Variants in FGF23 observed in about 807,000 individuals in gnomAD.
FGF23 encodes the protein phosphatonin.
Under a neutral mutation model 9.0 loss-of-function variants are expected in FGF23, and 8 were observed. The ratio of observed to expected loss-of-function variants is 0.89; its 90% CI spans 0.52 to 1.60. The LOEUF is 1.60. Ranked by LOEUF, FGF23 falls within the 40% of genes most tolerant of loss-of-function variation. FGF23 has a pLI of 0.00. For synonymous variants in FGF23, 118 were observed against 146.2 expected (o/e 0.81, Z 1.39); for missense variants, 311 against 344.3 (o/e 0.90, Z 0.77).
At chr12:4,377,571 C>G in intron 1 of FGF23, among the ~76,000 whole-genome samples, 1 of 149,252 alleles carries the variant, frequency 6.7e-6, no homozygotes, top group Non-Finnish European at 1.5e-5. Context: ...GCTGGGACTA[C>G]AGGCGCCTGC....
chr12:4,372,906 C>A (rs2120734385), intron 1 of FGF23, among the ~76,000 whole-genome samples: 1 of 152,310 alleles, frequency 6.6e-6, no homozygotes, highest in South Asian at 2.1e-4. Flanking sequence ...AGTCATTCAC[C>A]TCCTGCTTCA....
Position 4,370,706 on chromosome 12 carries a change from C to G in FGF23, c.393G>C (p.Gln131His). Reference protein sequence around the residue: ...ENGYDVYHSPQYHFLVSLGRA... With the variant: ...ENGYDVYHSPHYHFLVSLGRA... ...GGCCCAGACTGACCAGGAAGTGATA[C>G]TGAGGAGAGTGGTAGACGTCGTACC... is the stretch of plus-strand genomic sequence containing the variant. Residue 131 changes from glutamine (Q) to histidine (H), a missense_variant, in exon 3 of 3, where the codon CAG (glutamine) becomes CAC (histidine). Physicochemically the swap from Gln to His is conservative, Grantham distance 24. Coordinates refer to ENST00000237837, the MANE Select transcript of FGF23 (RefSeq NM_020638.3). 6.2e-7 allele frequency: 1 copy of G among 1,614,120 alleles called. No individual in the cohort carries two copies. Among genetic ancestry groups the G allele is most frequent in the Non-Finnish European group, 8.5e-7 (1 of 1,180,010 alleles).
chr12:4,370,774 C>G lies in FGF23; in HGVS notation c.325G>C (p.Asp109His). ...RGNIFGSHYF[D>H]PENCRFQHQT... ...TGTTGGAACCTGCAGTTCTCCGGGT[C>G]GAAATAGTGCTGGAAGGACAAGAGC... Residue 109 changes from aspartate (D) to histidine (H), a missense_variant, in exon 3 of 3, where the codon GAC (aspartate) becomes CAC (histidine). By Grantham distance (81) the Asp-to-His change is moderately conservative. Transcript: ENST00000237837. The G allele has an allele frequency of 1.2e-6, 2 of 1,613,906 alleles. No homozygotes were observed. Among genetic ancestry groups the G allele is most frequent in the East Asian group, 2.2e-5 (1 of 44,878 alleles).
intron 2 of FGF23, among the ~76,000 whole-genome samples, chr12:4,371,851 G>A (rs780454017): frequency 9.2e-5 from 14 of 152,078 alleles, no homozygotes; most frequent in Admixed American, 2.0e-4. Flanking sequence ...ACTTTACAAC[G>A]TGAATTGACA....
In FGF23 at chr12:4,379,503, T is replaced by C. The variant is rs1865155014; in HGVS notation, c.80A>G (p.Asn27Ser). ...CSMSVLRAYP[N>S]ASPLLGSSWG... ...GCTGGAGCCGAGCAGTGGGGAGGCA[T>C]TGGGATAGGCTCTGAGGACGCTCAT... Residue 27 changes from asparagine (N) to serine (S), a missense_variant, in exon 1 of 3, where the codon AAT becomes AGT. Physicochemically the swap from Asn to Ser is conservative, Grantham distance 46 (BLOSUM62 1). Around this residue, in one of 3 missense-constraint regions of FGF23, gnomAD observed 102 missense variants for 108.2 expected, o/e 0.94. Coordinates refer to ENST00000237837, the MANE Select transcript of FGF23 (RefSeq NM_020638.3). 3 of 1,612,872 alleles carry C rather than the reference T, an allele frequency of 1.9e-6. No individual in the cohort carries two copies. Among genetic ancestry groups the C allele is most frequent in the African/African-American group, 1.3e-5 (1 of 74,900 alleles).
chr12:4,374,631 C>T (rs1865097362), intron 1 of FGF23, among the ~76,000 whole-genome samples: 1 of 138,610 alleles, frequency 7.2e-6, no homozygotes, highest in African/African-American at 2.7e-5. Flanking sequence ...GCCTGGGCGA[C>T]AGAGCGAGAC....
At chr12:4,375,271 G>T (rs955271029) in intron 1 of FGF23, among the ~76,000 whole-genome samples, 1 of 152,220 alleles carries the variant, frequency 6.6e-6, no homozygotes, top group Non-Finnish European at 1.5e-5. Flanking sequence ...CTTGACAGGT[G>T]TGCTGGCTTG....
At chr12:4,370,835 ACTCCCC>A in intron 2 of FGF23, 52 bp from the exon 3 acceptor site, 1 of 1,485,846 alleles carries the variant, frequency 6.7e-7, no homozygotes, top group Non-Finnish European at 9.4e-7. Flanking sequence ...GGCCCCACCC[ACTCCCC>A]AGCTCCTCCT....
At chr12:4,376,656 T>G (rs13312763) in intron 1 of FGF23, among the ~76,000 whole-genome samples, 3,085 of 152,070 alleles carry the variant, frequency 0.02, 108 homozygotes, top group African/African-American at 0.071. Context: ...CAAGTAGCTG[T>G]GACTACAGGC....
intron 1 of FGF23, 38 bp from the exon 2 acceptor site, chr12:4,372,735 A>C: frequency 6.2e-6 from 8 of 1,289,368 alleles, no homozygotes; most frequent in Non-Finnish European, 9.1e-6. Flanking sequence ...ACTCATTGCC[A>C]TCCAATTCCC....
intron 1 of FGF23, among the ~76,000 whole-genome samples, chr12:4,375,614 C>T (rs1355527141): frequency 6.6e-6 from 1 of 152,176 alleles, no homozygotes; most frequent in Non-Finnish European, 1.5e-5. Context: ...ACTTTGCCTT[C>T]AATGACGGAG....
intron 1 of FGF23, among the ~76,000 whole-genome samples, chr12:4,377,959 G>T (rs906103536): frequency 6.6e-6 from 1 of 152,192 alleles, no homozygotes; most frequent in East Asian, 1.9e-4. Context: ...GGTGCATCAA[G>T]TGTATCCAGA....
At position 4,368,380 on chromosome 12, in the gene FGF23, C is replaced by T. The variant is rs939363096; in HGVS notation, c.*1963G>A. ...TTCTCTGGATTTCCCTAATGTTCCC[C>T]TCCCATAATCCTTTTTATTCTTATA... On this transcript the variant is annotated 3_prime_UTR_variant, in exon 3 of 3. Coordinates refer to ENST00000237837, the MANE Select transcript of FGF23 (RefSeq NM_020638.3). The T allele has an allele frequency of 3.9e-5, 7 of 180,928 alleles. No homozygotes were observed. The Admixed American group carries it at 4.4e-4, about 11-fold the overall frequency. The allele number at this position is 180,928 out of a possible 1,614,324, so 11.2% of individuals were successfully genotyped here. A position where few individuals can be genotyped will look rare whatever the true frequency, so the allele number is the denominator to read the frequency against.
rs748415290 is a variant in FGF23 at position 4,370,710 on chromosome 12, G to A, written c.389C>T (p.Pro130Leu). 6.2e-7 allele frequency: 1 copy of A among 1,614,182 alleles called. No homozygotes were observed. Among genetic ancestry groups the A allele is most frequent in the Non-Finnish European group, 8.5e-7 (1 of 1,180,010 alleles). Reference sequence around the variant, plus strand: ...CAGACTGACCAGGAAGTGATACTGAGGAGAGTGGTAGACGTCGTACCCGTT... The same window carrying A: ...CAGACTGACCAGGAAGTGATACTGAAGAGAGTGGTAGACGTCGTACCCGTT... ...LENGYDVYHSPQYHFLVSLGR... is the reference protein window; with the variant it reads ...LENGYDVYHSLQYHFLVSLGR... Residue 130 changes from proline to leucine, a missense_variant, in exon 3 of 3, where the codon CCT becomes CTT. Transcript: ENST00000237837.
chr12:4,375,206 A>T (rs2120738613), intron 1 of FGF23, among the ~76,000 whole-genome samples: 1 of 152,330 alleles, frequency 6.6e-6, no homozygotes, highest in South Asian at 2.1e-4. Context: ...AGTGTCGAGC[A>T]AACAGAGGAC....
chr12:4,370,806 C>T (rs779647396), intron 2 of FGF23, 23 bp from the exon 3 acceptor site: 220 of 1,611,458 alleles, frequency 1.4e-4, no homozygotes, highest in Middle Eastern at 4.9e-4. Flanking sequence ...GAGCGAACCA[C>T]GTGAAGGCTG....
chr12:4,370,361 G>C lies in FGF23; in HGVS notation c.738C>G (p.Pro246=). The C allele has an allele frequency of 6.2e-7, 1 of 1,613,532 alleles. No homozygotes were observed. Among genetic ancestry groups the C allele is most frequent in the Non-Finnish European group, 8.5e-7 (1 of 1,180,014 alleles). The change falls in exon 3 of 3, where the codon CCC becomes CCG. Residue 246 remains proline (P), a synonymous_variant. Coordinates refer to ENST00000237837, the MANE Select transcript of FGF23 (RefSeq NM_020638.3). ...AGGTGPEGCR[P]FAKFI is the part of the protein sequence containing the mutation. ...AGCGACCCTAGATGAACTTGGCGAA[G>C]GGGCGGCAGCCTTCCGGGCCCGTTC...
chr12:4,370,482 C>G lies in FGF23; in HGVS notation c.617G>C (p.Cys206Ser). Residue 206 changes from cysteine (C) to serine (S), a missense_variant, in exon 3 of 3, where the codon TGT (cysteine) becomes TCT (serine). Coordinates refer to ENST00000237837, the MANE Select transcript of FGF23 (RefSeq NM_020638.3). Reference protein sequence around the residue: ...RARMTPAPASCSQELPSAEDN... With the variant: ...RARMTPAPASSSQELPSAEDN... ...CTCGGCGCTCGGGAGCTCCTGTGAA[C>G]AGGAGGCCGGGGCCGGGGTCATCCG... 6.2e-7 allele frequency: 1 copy of G among 1,612,346 alleles called. No homozygotes were observed. The highest frequency in any genetic ancestry group is 8.5e-7 in the Non-Finnish European group (1 of 1,178,896).
intron 1 of FGF23, among the ~76,000 whole-genome samples, chr12:4,375,154 G>A (rs1408614587): frequency 6.6e-6 from 1 of 152,190 alleles, no homozygotes; most frequent in Non-Finnish European, 1.5e-5. Context: ...TACTTCATAG[G>A]GTGATGATCG....
Sources: gnomAD v4.1 joint callset for allele counts (sites outside exome capture counted in the v4.1 genomes callset) on GRCh38, gnomAD v4.1.1 for gene constraint, gnomAD v4.1.1 regional missense constraint, MANE v1.5 for transcripts, NCBI Gene and HGNC (gene_info 2026-07-23, HGNC 2026-07-21) for gene names.